Variants in SLC24A3 observed in about 807,000 individuals in gnomAD.
The protein encoded by SLC24A3 is solute carrier family 24 member 3.
A neutral mutation model predicts 75.8 loss-of-function variants in SLC24A3; 28 were observed. The ratio of observed to expected loss-of-function variants is 0.37; its 90% CI spans 0.27 to 0.51. SLC24A3 has a LOEUF of 0.51. SLC24A3 is among the 20% of genes least tolerant of loss of function. The pLI is 0.94. For synonymous variants in SLC24A3, 372 were observed against 334.1 expected (o/e 1.11, Z -1.24); for missense variants, 663 against 847.8 (o/e 0.78, Z 2.71).
intron 3 of SLC24A3, among the ~76,000 whole-genome samples, chr20:19,536,233 C>A (rs1417422576): frequency 6.6e-6 from 1 of 152,108 alleles, no homozygotes; most frequent in Admixed American, 6.5e-5. Context: ...CAAAAGCCCA[C>A]CAACTGAAGA....
At chr20:19,679,767 TTCATAAATA>T (rs1444542056) in intron 9 of SLC24A3, among the ~76,000 whole-genome samples, 7 of 152,248 alleles carry the variant, frequency 4.6e-5, no homozygotes, top group South Asian at 2.1e-4. Context: ...TTCTTTTAGT[TTCATAAATA>T]TCATAAATAT....
intron 1 of SLC24A3, among the ~76,000 whole-genome samples, chr20:19,271,866 T>C (rs1049814595): frequency 7.2e-5 from 11 of 152,182 alleles, no homozygotes; most frequent in African/African-American, 1.2e-4. Context: ...AGACTACACA[T>C]TGAGTATAGT....
intron 6 of SLC24A3, among the ~76,000 whole-genome samples, chr20:19,651,577 C>T (rs1229290120): frequency 6.6e-6 from 1 of 151,722 alleles, no homozygotes; most frequent in African/African-American, 2.4e-5. Context: ...AATGCATGTC[C>T]GGCCAGGCGC....
intron 8 of SLC24A3, among the ~76,000 whole-genome samples, chr20:19,666,665 G>A (rs957672205): frequency 6.6e-6 from 1 of 151,950 alleles, no homozygotes; most frequent in African/African-American, 2.4e-5. Context: ...GGTGTTGTTG[G>A]GGATGTTTTA....
intron 6 of SLC24A3, among the ~76,000 whole-genome samples, chr20:19,590,255 G>A (rs2031356107): frequency 6.6e-6 from 1 of 152,018 alleles, no homozygotes; most frequent in Non-Finnish European, 1.5e-5. Context: ...TCCCACAGCT[G>A]GGCTTTTGCT....
intron 2 of SLC24A3, among the ~76,000 whole-genome samples, chr20:19,431,520 C>T (rs1027947743): frequency 5.9e-5 from 9 of 151,946 alleles, no homozygotes; most frequent in African/African-American, 2.2e-4. Flanking sequence ...TCTCAGTCAC[C>T]CTTTGGTCAG....
At chr20:19,436,157 G>T (rs1402527216) in intron 2 of SLC24A3, among the ~76,000 whole-genome samples, 1 of 152,170 alleles carries the variant, frequency 6.6e-6, no homozygotes, top group Non-Finnish European at 1.5e-5. Flanking sequence ...CTGAGGTAAG[G>T]ATCACTGTTT....
intron 2 of SLC24A3, among the ~76,000 whole-genome samples, chr20:19,455,935 A>G (rs1408108705): frequency 3.9e-5 from 6 of 152,264 alleles, no homozygotes; most frequent in Non-Finnish European, 5.9e-5. Context: ...ACTATTGTGT[A>G]CAAGGAACTG....
At chr20:19,503,900 G>T (rs6081616) in intron 2 of SLC24A3, among the ~76,000 whole-genome samples, 1 of 152,272 alleles carries the variant, frequency 6.6e-6, no homozygotes, top group South Asian at 2.1e-4. Context: ...TTCTAAAATA[G>T]GTGCAGATCA....
At chr20:19,398,380 G>T (rs1465165898) in intron 2 of SLC24A3, among the ~76,000 whole-genome samples, 1 of 152,122 alleles carries the variant, frequency 6.6e-6, no homozygotes, top group Non-Finnish European at 1.5e-5. Flanking sequence ...TCATTTTACA[G>T]ATCTGACACA....
intron 1 of SLC24A3, among the ~76,000 whole-genome samples, chr20:19,273,644 T>C (rs553971472): frequency 1.2e-4 from 19 of 152,190 alleles, no homozygotes; most frequent in Non-Finnish European, 2.6e-4. Context: ...GAGATGCAGA[T>C]TCTGACTCTG....
intron 2 of SLC24A3, among the ~76,000 whole-genome samples, chr20:19,344,398 A>C (rs374345866): frequency 6.6e-6 from 1 of 152,208 alleles, no homozygotes; most frequent in Non-Finnish European, 1.5e-5. Flanking sequence ...ACATATGTAC[A>C]TGGCTTGGTC....
chr20:19,497,293 G>A (rs961756018), intron 2 of SLC24A3, among the ~76,000 whole-genome samples: 2 of 152,144 alleles, frequency 1.3e-5, no homozygotes, highest in African/African-American at 4.8e-5. Context: ...TTTTTGGGTA[G>A]AAGGGGCTAG....
intron 13 of SLC24A3, chr20:19,693,637 A>G (rs545779099): frequency 1.3e-4 from 73 of 562,722 alleles, no homozygotes; most frequent in Non-Finnish European, 1.7e-4. Context: ...CATTAATCTT[A>G]GCTGGGACCT....
intron 3 of SLC24A3, among the ~76,000 whole-genome samples, chr20:19,547,014 GTGT>G (rs1478320311): frequency 6.6e-6 from 1 of 152,222 alleles, no homozygotes; most frequent in Non-Finnish European, 1.5e-5. Flanking sequence ...CTCTCTGAAG[GTGT>G]TTATGACCAC....
intron 1 of SLC24A3, among the ~76,000 whole-genome samples, chr20:19,271,327 TAA>T (rs1354173057): frequency 1.5e-5 from 2 of 130,234 alleles, no homozygotes; most frequent in African/African-American, 5.7e-5. Context: ...AATTAAAAAA[TAA>T]AAAAAAAAAA....
At chr20:19,310,775 T>G (rs1462681276) in intron 2 of SLC24A3, among the ~76,000 whole-genome samples, 5 of 152,190 alleles carry the variant, frequency 3.3e-5, no homozygotes, top group African/African-American at 1.2e-4. Context: ...TTTCCAGATG[T>G]TGTGTATGGA....
rs550376565 is a variant in SLC24A3 at position 19,337,982 on chromosome 20, G to A, written c.271+56895G>A. Among the ~76,000 whole-genome samples the A allele has an allele frequency of 7.9e-5, 12 of 152,230 alleles. No individual in the cohort carries two copies. The South Asian group carries it at 2.5e-3, about 32-fold the overall frequency. On this transcript the variant is annotated intron_variant, in intron 2 of 16. Transcript: ENST00000328041. ...TTGCCCATATCAAGTCACAAAGATGGCCCATCTTCAGGGGATAGAGGCACC... is the reference window on the plus strand; with the variant it reads ...TTGCCCATATCAAGTCACAAAGATGACCCATCTTCAGGGGATAGAGGCACC...
chr20:19,265,242 A>G (rs543274166), intron 1 of SLC24A3, among the ~76,000 whole-genome samples: 222 of 152,330 alleles, frequency 1.5e-3, no homozygotes, highest in Non-Finnish European at 2.6e-3. Flanking sequence ...ATCAGTGGCC[A>G]GCCTTCTCCC....
Sources: allele counts gnomAD v4.1 joint callset (sites outside exome capture counted in the v4.1 genomes callset), GRCh38; gene constraint gnomAD v4.1.1; transcripts MANE v1.5; gene names NCBI Gene and HGNC (gene_info 2026-07-23, HGNC 2026-07-21).